Variants in CSMD3 observed in about 807,000 individuals in gnomAD.
The protein encoded by CSMD3 is CUB and Sushi multiple domains 3, also known as CUB and sushi domain-containing protein 3.
A neutral mutation model predicts 435.2 loss-of-function variants in CSMD3; 177 were observed. That is an observed-to-expected ratio of 0.41 (90% CI 0.36 to 0.46). CSMD3 has a LOEUF of 0.46. CSMD3 is among the 20% of genes least tolerant of loss of function. The pLI, the probability that CSMD3 is intolerant of heterozygous loss-of-function variation, is 0.34. For missense variants in CSMD3, 4,265 were observed against 4,504.6 expected (o/e 0.95, Z 1.52); for synonymous variants, 1,656 against 1,520.5 (o/e 1.09, Z -2.07).
At chr8:113,194,371 C>T (rs191380862) in intron 3 of CSMD3, among the ~76,000 whole-genome samples, 1 of 150,958 alleles carries the variant, frequency 6.6e-6, no homozygotes, top group Non-Finnish European at 1.5e-5. Context: ...ACTCAACAAA[C>T]AAATAAGTGA....
intron 38 of CSMD3, among the ~76,000 whole-genome samples, chr8:112,370,206 T>C (rs568463161): frequency 2.6e-5 from 4 of 152,278 alleles, no homozygotes; most frequent in African/African-American, 7.2e-5. Context: ...GTTTTGTTTT[T>C]CACTTTTCCA....
At chr8:113,315,327 T>C (rs1313574802) in intron 1 of CSMD3, among the ~76,000 whole-genome samples, 2 of 152,090 alleles carry the variant, frequency 1.3e-5, no homozygotes, top group Non-Finnish European at 2.9e-5. Flanking sequence ...TTTTTTAAAG[T>C]CTATGAAATG....
chr8:112,901,033 G>C (rs571262327), intron 10 of CSMD3, among the ~76,000 whole-genome samples: 1 of 151,420 alleles, frequency 6.6e-6, no homozygotes, highest in African/African-American at 2.4e-5. Context: ...TTTTACTGGA[G>C]AGAGGTGGCA....
chr8:113,309,308 C>A (rs1449055677), intron 2 of CSMD3: 1 of 152,004 alleles, frequency 6.6e-6, no homozygotes, highest in East Asian at 1.9e-4. Flanking sequence ...TGATGCCAAG[C>A]CCTAGGACGT....
chr8:112,905,715 T>G (rs2082243714), intron 10 of CSMD3, among the ~76,000 whole-genome samples: 1 of 151,466 alleles, frequency 6.6e-6, no homozygotes, highest in Admixed American at 6.6e-5. Flanking sequence ...CTTTGGGAAC[T>G]GGGGCTCAGC....
intron 4 of CSMD3, among the ~76,000 whole-genome samples, chr8:113,106,262 A>C (rs1045100116): frequency 2.0e-5 from 3 of 152,152 alleles, no homozygotes; most frequent in Non-Finnish European, 4.4e-5. Context: ...TGAGGAAAGA[A>C]AGGGAAGATA....
At chr8:112,990,258 C>T (rs989522200) in intron 6 of CSMD3, among the ~76,000 whole-genome samples, 9 of 151,960 alleles carry the variant, frequency 5.9e-5, no homozygotes, top group African/African-American at 2.2e-4. Flanking sequence ...TCCCAATTTA[C>T]AAAACTGTGT....
chr8:112,919,486 T>C (rs1225671624), intron 10 of CSMD3, among the ~76,000 whole-genome samples: 1 of 151,876 alleles, frequency 6.6e-6, no homozygotes, highest in African/African-American at 2.4e-5. Context: ...TCTTACTTTA[T>C]GTAGATCTTA....
intron 1 of CSMD3, among the ~76,000 whole-genome samples, chr8:113,407,323 A>T (rs937193641): frequency 2.6e-5 from 4 of 152,124 alleles, no homozygotes; most frequent in Non-Finnish European, 5.9e-5. Context: ...TCATCAACAC[A>T]TGTCTTTTGA....
At chr8:112,548,930 GC>G (rs909569938) in intron 27 of CSMD3, among the ~76,000 whole-genome samples, 2 of 151,970 alleles carry the variant, frequency 1.3e-5, no homozygotes, top group Non-Finnish European at 2.9e-5. Context: ...ACTTTAATGT[GC>G]CCTACAAATA....
chr8:112,985,032 A>ATAGG (rs2085203770), intron 6 of CSMD3, among the ~76,000 whole-genome samples: 1 of 151,746 alleles, frequency 6.6e-6, no homozygotes, highest in African/African-American at 2.4e-5. Flanking sequence ...AGATAGATAG[A>ATAGG]TAGATAATCT....
chr8:112,579,230 A>G (rs1383966160), intron 23 of CSMD3, among the ~76,000 whole-genome samples: 1 of 152,088 alleles, frequency 6.6e-6, no homozygotes, highest in Admixed American at 6.6e-5. Context: ...TTTCTTCAAT[A>G]TATAGTGCTA....
At chr8:112,393,261 C>T (rs1415086332) in intron 35 of CSMD3, among the ~76,000 whole-genome samples, 1 of 152,062 alleles carries the variant, frequency 6.6e-6, no homozygotes, top group Non-Finnish European at 1.5e-5. Flanking sequence ...TTTCCCAAGT[C>T]CTCATCATCT....
rs200444245 is a variant in CSMD3, at chr8:112,501,103, CT to C, written c.5083+2686del. ...AACAGAGAGAGCTGTCCTCCTTTGT[CT>C]TTTTTTTTTGCCTGTTAAACCTCTG... On this transcript the variant is annotated intron_variant, in intron 30 of 70. Coordinates refer to ENST00000297405, the MANE Select transcript of CSMD3 (RefSeq NM_198123.2). Among the ~76,000 whole-genome samples, 127 of 147,968 alleles carry C rather than the reference CT, an allele frequency of 8.6e-4. 1 individual carries two copies. The highest frequency in any genetic ancestry group is 1.2e-3 in the African/African-American group (48 of 40,540).
At chr8:112,553,480 GTTAGCA>G (rs1019857531) in intron 25 of CSMD3, among the ~76,000 whole-genome samples, 2 of 151,984 alleles carry the variant, frequency 1.3e-5, no homozygotes, top group Non-Finnish European at 2.9e-5. Flanking sequence ...AAGTATTTTA[GTTAGCA>G]TATTGCTCTA....
intron 12 of CSMD3, among the ~76,000 whole-genome samples, chr8:112,806,733 G>T (rs1260884279): frequency 6.6e-6 from 1 of 152,078 alleles, no homozygotes; most frequent in Non-Finnish European, 1.5e-5. Flanking sequence ...CCTCGCTTCA[G>T]CTCACCTCCA....
intron 6 of CSMD3, 52 bp downstream of exon 6, chr8:113,019,015 C>A (rs1392925474): frequency 8.5e-7 from 1 of 1,172,480 alleles, no homozygotes; most frequent in Non-Finnish European, 1.3e-6. Flanking sequence ...TAGTTGTGTA[C>A]ACCAAAATTA....
At chr8:112,383,453 T>G (rs1355091806) in intron 37 of CSMD3, 114 bp downstream of exon 37, 6 of 684,430 alleles carry the variant, frequency 8.8e-6, no homozygotes, top group Non-Finnish European at 1.3e-5. Context: ...TCTTTGTGTA[T>G]AGTTTGTAAA....
At chr8:113,007,341 A>T (rs1225815752) in intron 6 of CSMD3, among the ~76,000 whole-genome samples, 2 of 151,938 alleles carry the variant, frequency 1.3e-5, no homozygotes, top group African/African-American at 4.8e-5. Flanking sequence ...GACTGTAAAG[A>T]GGTAATAAAG....
Sources: allele counts gnomAD v4.1 joint callset (sites outside exome capture counted in the v4.1 genomes callset), GRCh38; gene constraint gnomAD v4.1.1; transcripts MANE v1.5; gene names NCBI Gene and HGNC (gene_info 2026-07-23, HGNC 2026-07-21).